The following SPATA17 variants were observed in gnomAD, a reference collection of about 807,000 sequenced individuals.
The protein encoded by SPATA17 is spermatogenesis-associated protein 17.
SPATA17 carries 53 observed loss-of-function variants against 62.2 expected under a neutral mutation model. The observed-to-expected ratio is 0.85, with a 90% CI of 0.68 to 1.07. SPATA17 has a LOEUF of 1.07. Ranked by LOEUF, SPATA17 falls within the 50% of genes least tolerant of loss-of-function variation. The pLI is 0.00. For missense variants in SPATA17, 466 were observed against 425.5 expected, an observed-to-expected ratio of 1.10 and a Z score of -0.84; for synonymous variants, 146 against 146.8, an observed-to-expected ratio of 0.99 and a Z score of 0.04.
intron 9 of SPATA17, among the ~76,000 whole-genome samples, chr1:217,823,335 T>A (rs571305502): frequency 1.3e-5 from 2 of 152,132 alleles, no homozygotes; most frequent in East Asian, 3.9e-4. Flanking sequence ...TGGGTAGATA[T>A]GCTCAAATTC....
At chr1:217,838,529 A>G (rs1675313631) in intron 9 of SPATA17, among the ~76,000 whole-genome samples, 1 of 152,132 alleles carries the variant, frequency 6.6e-6, no homozygotes, top group Non-Finnish European at 1.5e-5. Flanking sequence ...GAAAATAATT[A>G]ACTAATAGTA....
At chr1:217,725,918 G>A (rs937188752) in intron 5 of SPATA17, among the ~76,000 whole-genome samples, 4 of 151,858 alleles carry the variant, frequency 2.6e-5, no homozygotes, top group East Asian at 3.9e-4. Flanking sequence ...CTTAATATAG[G>A]CTGTATTTTT....
chr1:217,841,104 G>A (rs1165388334), intron 9 of SPATA17, among the ~76,000 whole-genome samples: 1 of 151,634 alleles, frequency 6.6e-6, no homozygotes, highest in African/African-American at 2.4e-5. Context: ...TGTTTAAGTG[G>A]TAAAATGTTT....
intron 4 of SPATA17, 96 bp downstream of exon 4, chr1:217,669,179 T>C (rs1041867830): frequency 2.0e-6 from 2 of 1,010,358 alleles, no homozygotes; most frequent in African/African-American, 3.2e-5. Flanking sequence ...GCAAATTTGA[T>C]TGATATGCTA....
intron 9 of SPATA17, among the ~76,000 whole-genome samples, chr1:217,819,325 AAG>A (rs1292988308): frequency 1.3e-5 from 2 of 152,008 alleles, no homozygotes; most frequent in African/African-American, 4.8e-5. Flanking sequence ...TGTAGGGAAG[AAG>A]AGGGAGTTGA....
At chr1:217,770,276 T>A (rs892174962) in intron 6 of SPATA17, among the ~76,000 whole-genome samples, 2 of 152,220 alleles carry the variant, frequency 1.3e-5, no homozygotes, top group Non-Finnish European at 2.9e-5. Flanking sequence ...AAAATAGTTT[T>A]AAATTTTATT....
chr1:217,631,832 C>T (rs1305952150), intron 1 of SPATA17, among the ~76,000 whole-genome samples: 3 of 152,158 alleles, frequency 2.0e-5, no homozygotes, highest in East Asian at 1.9e-4. Context: ...TTTGAGCCTC[C>T]GTTATTTTAC....
chr1:217,634,613 T>C (rs1669896344), intron 1 of SPATA17, among the ~76,000 whole-genome samples: 1 of 152,190 alleles, frequency 6.6e-6, no homozygotes, highest in South Asian at 2.1e-4. Context: ...GCTGCGTGAC[T>C]CCCAAACCAT....
At chr1:217,690,893 G>T (rs1285608682) in intron 5 of SPATA17, among the ~76,000 whole-genome samples, 40 of 146,798 alleles carry the variant, frequency 2.7e-4, no homozygotes, top group Non-Finnish European at 3.4e-4. Flanking sequence ...CTATCATTGT[G>T]GGACATTTGG....
At position 217,648,965 on chromosome 1, in the gene SPATA17, A is replaced by G. The variant is rs932337182; in HGVS notation, c.152A>G (p.Tyr51Cys). 3.7e-6 allele frequency: 6 copies of G among 1,605,458 alleles called. No homozygotes were observed. The highest frequency in any genetic ancestry group is 5.1e-6 in the Non-Finnish European group (6 of 1,175,644). Residue 51 changes from tyrosine to cysteine, a missense_variant, in exon 2 of 11, where the codon TAT (tyrosine) becomes TGT (cysteine). By Grantham distance (194) the Tyr-to-Cys change is radical. Transcript: ENST00000366933. ...TTTCGAGGATGTCAAGTTCGGGCAT[A>G]TATCAGGTATATTGCTTTTGTCATG... ...SWFRGCQVRAYIRHLNRIVTI... is the reference protein window; with the variant it reads ...SWFRGCQVRACIRHLNRIVTI...
chr1:217,681,899 G>C (rs1369904984), intron 4 of SPATA17, among the ~76,000 whole-genome samples: 1 of 151,628 alleles, frequency 6.6e-6, no homozygotes, highest in Non-Finnish European at 1.5e-5. Flanking sequence ...CCAATGGACT[G>C]GTGCTTAGTC....
intron 7 of SPATA17, among the ~76,000 whole-genome samples, chr1:217,779,534 G>A (rs10863348): frequency 0.91 from 138,730 of 151,698 alleles, 63,658 homozygotes; most frequent in African/African-American, 0.97. Context: ...TTCCTTCTCA[G>A]TCTTCCTTCT....
intron 9 of SPATA17, among the ~76,000 whole-genome samples, chr1:217,804,023 G>GAA (rs1013725554): frequency 3.6e-5 from 5 of 138,556 alleles, no homozygotes; most frequent in Admixed American, 1.5e-4. Flanking sequence ...CTCAAAAGAG[G>GAA]AAAAAAAAAA....
chr1:217,716,408 C>T (rs995163706), intron 5 of SPATA17, among the ~76,000 whole-genome samples: 1 of 152,170 alleles, frequency 6.6e-6, no homozygotes, highest in Non-Finnish European at 1.5e-5. Flanking sequence ...TTTGCAATCA[C>T]ATATCGACTC....
intron 7 of SPATA17, among the ~76,000 whole-genome samples, chr1:217,775,831 A>G (rs369876401): frequency 2.0e-5 from 3 of 152,138 alleles, no homozygotes; most frequent in Non-Finnish European, 4.4e-5. Context: ...GTAATTTACA[A>G]ATATATACCA....
At position 217,758,356 on chromosome 1, in the gene SPATA17, G is replaced by A. The variant is rs1188981481; in HGVS notation, c.520-15978G>A. Among the ~76,000 whole-genome samples the A allele has an allele frequency of 3.3e-5, 5 of 152,114 alleles. No individual in the cohort carries two copies. In the East Asian group the frequency reaches 7.7e-4, roughly 23 times the overall value. ...GGAAAAAAAAGCTAGCATTTGTTGA[G>A]TACTTACTTTGTGTCAACCACTGTT... is the stretch of plus-strand genomic sequence containing the variant. On this transcript the variant is annotated intron_variant, in intron 6 of 10. Coordinates refer to ENST00000366933, the MANE Select transcript of SPATA17 (RefSeq NM_138796.4).
At chr1:217,708,189 A>G (rs910844352) in intron 5 of SPATA17, among the ~76,000 whole-genome samples, 2 of 152,212 alleles carry the variant, frequency 1.3e-5, no homozygotes, top group Admixed American at 1.3e-4. Flanking sequence ...AGCAGAAGAC[A>G]AGAAATAACC....
Position 217,651,118 on chromosome 1 carries a change from A to G in SPATA17, c.180A>G (p.Thr60=), listed in dbSNP as rs201027958. The G allele has an allele frequency of 1.7e-5, 27 of 1,609,170 alleles. No homozygotes were observed. In the East Asian group the frequency reaches 2.0e-4, roughly 12 times the overall value. The stretch of plus-strand genomic sequence containing the variant: ...CTAGGCATTTAAACAGGATTGTAAC[A>G]ATTATTCAAAAATGGTGGAGAAGTT... ...AYIRHLNRIV[T]IIQKWWRSFL... is the part of the protein sequence containing the mutation. Residue 60 remains threonine, a synonymous_variant, in exon 3 of 11, where the codon ACA becomes ACG. Transcript: ENST00000366933.
chr1:217,797,554 T>TTTAC (rs1483806295), intron 8 of SPATA17, among the ~76,000 whole-genome samples: 2 of 152,134 alleles, frequency 1.3e-5, no homozygotes, highest in African/African-American at 4.8e-5. Flanking sequence ...CCGGCCTAAA[T>TTTAC]TTACTGCTTT....
Sources: allele counts gnomAD v4.1 joint callset (sites outside exome capture counted in the v4.1 genomes callset), GRCh38; gene constraint gnomAD v4.1.1; transcripts MANE v1.5; gene names NCBI Gene and HGNC (gene_info 2026-07-23, HGNC 2026-07-21).